The following WDR70 variants were observed in gnomAD, a reference collection of about 807,000 sequenced individuals.
The protein encoded by WDR70 is WD repeat-containing protein 70.
A neutral mutation model predicts 88.6 loss-of-function variants in WDR70; 53 were observed. The observed-to-expected ratio is 0.60, with a 90% confidence interval of 0.48 to 0.75. WDR70 has a LOEUF of 0.75. Among genes scored for constraint, WDR70 ranks in the 30% least tolerant of loss-of-function variants. The probability of loss-of-function intolerance (pLI) is 0.00; values close to 1 mark genes in which losing one functional copy is unlikely to be tolerated. For synonymous variants in WDR70, 280 were observed against 270.0 expected (o/e 1.04, Z -0.36); for missense variants, 610 against 823.2 (o/e 0.74, Z 3.17).
intron 10 of WDR70, among the ~76,000 whole-genome samples, chr5:37,609,123 G>A (rs1744115390): frequency 6.6e-6 from 1 of 152,208 alleles, no homozygotes; most frequent in Non-Finnish European, 1.5e-5. Context: ...TACACAATGA[G>A]ATAGAGTTGG....
chr5:37,601,713 G>T (rs1743889376), intron 9 of WDR70, among the ~76,000 whole-genome samples: 2 of 151,882 alleles, frequency 1.3e-5, no homozygotes, highest in African/African-American at 4.8e-5. Context: ...TTATTGGTCT[G>T]GTCAGATTTT....
chr5:37,594,501 A>T (rs1332909870), intron 9 of WDR70, among the ~76,000 whole-genome samples: 1 of 152,088 alleles, frequency 6.6e-6, no homozygotes, highest in African/African-American at 2.4e-5. Context: ...CCATTGGTCT[A>T]TATCTCTGTT....
intron 5 of WDR70, among the ~76,000 whole-genome samples, chr5:37,403,635 G>A (rs1295866498): frequency 6.6e-6 from 1 of 152,146 alleles, no homozygotes; most frequent in Non-Finnish European, 1.5e-5. Flanking sequence ...GGAGTGGCTA[G>A]ATATTTTAGC....
intron 10 of WDR70, among the ~76,000 whole-genome samples, chr5:37,622,088 ATCTC>A (rs1483570530): frequency 6.6e-6 from 1 of 152,082 alleles, no homozygotes; most frequent in Non-Finnish European, 1.5e-5. Context: ...ATTGGTCTAT[ATCTC>A]TGTTTTGGTA....
chr5:37,626,062 T>C (rs571648432), intron 10 of WDR70, among the ~76,000 whole-genome samples: 6 of 151,364 alleles, frequency 4.0e-5, no homozygotes, highest in Middle Eastern at 6.8e-3. Context: ...GATCATGTCA[T>C]CTGCAAACAG....
intron 5 of WDR70, among the ~76,000 whole-genome samples, chr5:37,414,150 A>T (rs1410917813): frequency 1.3e-5 from 2 of 151,116 alleles, no homozygotes; most frequent in East Asian, 3.9e-4. Context: ...GTCTCAAAAA[A>T]AAAAAAAAAA....
At position 37,514,584 on chromosome 5, in the gene WDR70, C is replaced by A. The variant is rs567658176; in HGVS notation, c.841-1930C>A. 1.8e-4 allele frequency among the ~76,000 whole-genome samples: 28 copies of A among 151,554 alleles called. No homozygotes were observed. In the East Asian group the frequency reaches 5.4e-3, roughly 29 times the overall value. ...CGAGGGGCCCCAGTTCGTGCTGTTC[C>A]CCCGACAGTGTGTCCATGTGTTCTT... is the stretch of plus-strand genomic sequence containing the variant. On this transcript the variant is annotated intron_variant, in intron 8 of 17. Coordinates refer to ENST00000265107, the MANE Select transcript of WDR70 (RefSeq NM_018034.4).
chr5:37,732,400 A>G (rs967140337), intron 17 of WDR70, among the ~76,000 whole-genome samples: 3 of 152,156 alleles, frequency 2.0e-5, no homozygotes, highest in African/African-American at 7.2e-5. Context: ...TTGTACTTCT[A>G]TAAAAAACTA....
chr5:37,425,248 C>G (rs1017444469), intron 5 of WDR70, among the ~76,000 whole-genome samples: 1 of 152,164 alleles, frequency 6.6e-6, no homozygotes, highest in Non-Finnish European at 1.5e-5. Flanking sequence ...GAGACCCTAT[C>G]TCAAAAAAAC....
intron 13 of WDR70, among the ~76,000 whole-genome samples, chr5:37,704,728 G>C (rs1431240436): frequency 1.3e-5 from 2 of 152,304 alleles, no homozygotes; most frequent in East Asian, 3.9e-4. Flanking sequence ...GAATGAGTGA[G>C]AGATATACTT....
At chr5:37,470,891 CTT>C (rs200827780) in intron 7 of WDR70, among the ~76,000 whole-genome samples, 113 of 145,210 alleles carry the variant, frequency 7.8e-4, no homozygotes, top group Admixed American at 9.6e-4. Context: ...GCAAGTACTT[CTT>C]TTTTTTTTTT....
At chr5:37,430,219 A>C (rs556051732) in intron 5 of WDR70, among the ~76,000 whole-genome samples, 1 of 152,352 alleles carries the variant, frequency 6.6e-6, no homozygotes, top group South Asian at 2.1e-4. Context: ...ACCTTTTTAT[A>C]AAATATCTTT....
chr5:37,552,625 G>A (rs1387918221), intron 9 of WDR70, among the ~76,000 whole-genome samples: 1 of 152,104 alleles, frequency 6.6e-6, no homozygotes, highest in Non-Finnish European at 1.5e-5. Context: ...AAGTGAAACA[G>A]ATGATAAGAT....
intron 9 of WDR70, among the ~76,000 whole-genome samples, chr5:37,558,123 A>G (rs1264730395): frequency 6.6e-6 from 1 of 151,946 alleles, no homozygotes; most frequent in African/African-American, 2.4e-5. Flanking sequence ...AAATTCTATA[A>G]GAATTTCATT....
chr5:37,713,922 G>A (rs935159401), intron 13 of WDR70, among the ~76,000 whole-genome samples: 2 of 152,112 alleles, frequency 1.3e-5, no homozygotes, highest in Non-Finnish European at 2.9e-5. Flanking sequence ...TCAGAATTCT[G>A]GCCAAACTTT....
intron 9 of WDR70, among the ~76,000 whole-genome samples, chr5:37,566,522 C>T (rs1353786200): frequency 6.6e-6 from 1 of 152,002 alleles, no homozygotes; most frequent in Non-Finnish European, 1.5e-5. Flanking sequence ...GTACAAACAA[C>T]TATTTATATA....
chr5:37,393,217 T>G (rs1748900547), intron 4 of WDR70, among the ~76,000 whole-genome samples: 1 of 149,698 alleles, frequency 6.7e-6, no homozygotes, highest in African/African-American at 2.5e-5. Context: ...AATTTTTGTA[T>G]TTTTAGTAGA....
At chr5:37,735,547 C>T (rs1235510944) in intron 17 of WDR70, among the ~76,000 whole-genome samples, 3 of 152,136 alleles carry the variant, frequency 2.0e-5, no homozygotes, top group African/African-American at 7.2e-5. Context: ...GCTATCATCT[C>T]TTTGCTTCCA....
At chr5:37,722,727 A>G in intron 14 of WDR70, 128 bp from the exon 15 acceptor site, 1 of 787,620 alleles carries the variant, frequency 1.3e-6, no homozygotes, top group East Asian at 2.7e-5. Context: ...ATCCCTCAGA[A>G]AGTCAAGTAC....
Sources: allele counts gnomAD v4.1 joint callset (sites outside exome capture counted in the v4.1 genomes callset), GRCh38; gene constraint gnomAD v4.1.1; transcripts MANE v1.5; gene names NCBI Gene and HGNC (gene_info 2026-07-23, HGNC 2026-07-21).